Variants in TENM3 observed in about 807,000 individuals in gnomAD.
The protein encoded by TENM3 is teneurin-3.
Under a neutral mutation model 255.1 loss-of-function variants are expected in TENM3, and 63 were observed. The ratio of observed to expected loss-of-function variants is 0.25; its 90% CI spans 0.20 to 0.30. The LOEUF is 0.30. Ranked by LOEUF, TENM3 falls within the 10% of genes least tolerant of loss-of-function variation. The pLI is 1.00. For missense variants in TENM3, 2,929 were observed against 3,461.1 expected, an observed-to-expected ratio of 0.85 and a Z score of 3.86; for synonymous variants, 1,306 against 1,322.3, an observed-to-expected ratio of 0.99 and a Z score of 0.27.
chr4:182,435,378 T>C (rs1473054530), intron 3 of TENM3, among the ~76,000 whole-genome samples: 1 of 152,148 alleles, frequency 6.6e-6, no homozygotes, highest in Non-Finnish European at 1.5e-5. Context: ...TGTGAGTTGG[T>C]TGTTATTGTT....
chr4:181,663,988 T>G, the TENM3 span, among the ~76,000 whole-genome samples: 1 of 152,216 alleles, frequency 6.6e-6, no homozygotes, highest in Non-Finnish European at 1.5e-5. Context: ...CATTTCAGAC[T>G]CTTTGAACAC....
At chr4:182,461,465 T>G (rs1281729596) in intron 3 of TENM3, among the ~76,000 whole-genome samples, 2 of 152,164 alleles carry the variant, frequency 1.3e-5, no homozygotes. Flanking sequence ...AACCAGAACA[T>G]GGAGGACCAT....
chr4:182,215,077 A>G (rs1755363529), intron 1 of TENM3, among the ~76,000 whole-genome samples: 1 of 152,220 alleles, frequency 6.6e-6, no homozygotes, highest in Non-Finnish European at 1.5e-5. Context: ...GTAAAAGAAC[A>G]CATCAGAAAC....
the TENM3 span, among the ~76,000 whole-genome samples, chr4:181,581,568 T>A: frequency 1.3e-5 from 2 of 152,160 alleles, no homozygotes; most frequent in Non-Finnish European, 2.9e-5. Context: ...AAGACCAAAC[T>A]TTTCCCCCTT....
the TENM3 span, among the ~76,000 whole-genome samples, chr4:181,587,332 C>T: frequency 6.6e-6 from 1 of 152,122 alleles, no homozygotes; most frequent in Non-Finnish European, 1.5e-5. Flanking sequence ...TTGCCAAGGC[C>T]TCTGTCTTCA....
At chr4:181,660,089 A>G in the TENM3 span, among the ~76,000 whole-genome samples, 1 of 152,192 alleles carries the variant, frequency 6.6e-6, no homozygotes, top group Non-Finnish European at 1.5e-5. Context: ...TTTTGGGAAT[A>G]TTAAATGTAA....
chr4:181,672,091 A>C, the TENM3 span, among the ~76,000 whole-genome samples: 1 of 152,242 alleles, frequency 6.6e-6, no homozygotes, highest in East Asian at 1.9e-4. Context: ...CACCTGCAGA[A>C]GAATATACTG....
the TENM3 span, among the ~76,000 whole-genome samples, chr4:182,064,501 TG>T: frequency 6.6e-6 from 1 of 151,918 alleles, no homozygotes; most frequent in East Asian, 1.9e-4. Context: ...GAGAATGGCG[TG>T]AACCCGGGAG....
chr4:182,095,552 G>T, the TENM3 span, among the ~76,000 whole-genome samples: 1 of 152,146 alleles, frequency 6.6e-6, no homozygotes, highest in African/African-American at 2.4e-5. Flanking sequence ...AGGGTAGTGG[G>T]GAGGGGAAGA....
chr4:181,595,151 C>T, the TENM3 span, among the ~76,000 whole-genome samples: 1 of 152,066 alleles, frequency 6.6e-6, no homozygotes, highest in Non-Finnish European at 1.5e-5. Flanking sequence ...TAGAACTAGG[C>T]TGGGTGTGGT....
At position 182,535,157 on chromosome 4, in the gene TENM3, A is replaced by G. The variant is rs1311182913; in HGVS notation, c.512-65767A>G. On this transcript the variant is annotated intron_variant, in intron 3 of 27. Coordinates refer to ENST00000511685, the MANE Select transcript of TENM3 (RefSeq NM_001080477.4). ...CAACCAAGCTGTACATTTTCCTTAG[A>G]TGATTAGATCTGCCTCAGGAAATCC... 1.3e-5 allele frequency among the ~76,000 whole-genome samples: 2 copies of G among 152,154 alleles called. 1 individual carries two copies. The highest frequency in any genetic ancestry group is 2.9e-5 in the Non-Finnish European group (2 of 68,016).
intron 1 of TENM3, among the ~76,000 whole-genome samples, chr4:182,317,292 TCA>T (rs1396969014): frequency 6.6e-6 from 1 of 152,110 alleles, no homozygotes; most frequent in Non-Finnish European, 1.5e-5. Flanking sequence ...ATATTTCCTT[TCA>T]CAGTCTTTGT....
intron 1 of TENM3, among the ~76,000 whole-genome samples, chr4:182,181,893 T>TG (rs1752862349): frequency 6.7e-6 from 1 of 150,274 alleles, no homozygotes; most frequent in Admixed American, 6.6e-5. Context: ...AATGTCCTGT[T>TG]TTTTTTTTTT....
At chr4:181,980,907 G>T in the TENM3 span, among the ~76,000 whole-genome samples, 1 of 151,876 alleles carries the variant, frequency 6.6e-6, no homozygotes, top group Non-Finnish European at 1.5e-5. Context: ...GTCCTGAAGA[G>T]AAATCTAATG....
the TENM3 span, among the ~76,000 whole-genome samples, chr4:182,095,379 C>G: frequency 6.6e-6 from 1 of 152,194 alleles, no homozygotes; most frequent in African/African-American, 2.4e-5. Context: ...AGAATGAAAT[C>G]CTGTCATTTG....
At chr4:181,502,652 G>A in the TENM3 span, among the ~76,000 whole-genome samples, 2 of 152,252 alleles carry the variant, frequency 1.3e-5, no homozygotes, top group South Asian at 4.1e-4. Context: ...GCTTGGTGGT[G>A]GAGACTGGGT....
the TENM3 span, among the ~76,000 whole-genome samples, chr4:182,090,312 C>G: frequency 6.6e-6 from 1 of 152,348 alleles, no homozygotes; most frequent in East Asian, 1.9e-4. Flanking sequence ...TGGCGACAGA[C>G]CACCCCATAG....
At chr4:181,907,857 G>A in the TENM3 span, among the ~76,000 whole-genome samples, 1 of 152,080 alleles carries the variant, frequency 6.6e-6, no homozygotes, top group African/African-American at 2.4e-5. Context: ...AACAATGAAC[G>A]TTTAATGTTC....
At chr4:181,804,393 AT>A in the TENM3 span, among the ~76,000 whole-genome samples, 1 of 152,230 alleles carries the variant, frequency 6.6e-6, no homozygotes, top group South Asian at 2.1e-4. Flanking sequence ...AATCTGCTCT[AT>A]CCAGCCCTAA....
Sources: allele counts gnomAD v4.1 joint callset (sites outside exome capture counted in the v4.1 genomes callset), GRCh38; gene constraint gnomAD v4.1.1; transcripts MANE v1.5; gene names NCBI Gene and HGNC (gene_info 2026-07-23, HGNC 2026-07-21).